Variants in SORCS2 observed in about 807,000 individuals in gnomAD.
SORCS2 encodes the protein sortilin related VPS10 domain containing receptor 2, also known as VPS10 domain-containing receptor SorCS2.
SORCS2 carries 100 observed loss-of-function variants against 141.6 expected under a neutral mutation model. That is an observed-to-expected ratio of 0.71 (90% CI 0.60 to 0.83). The LOEUF is 0.83. Among genes scored for constraint, SORCS2 ranks in the 40% least tolerant of loss-of-function variants. SORCS2 has a pLI of 0.00. For synonymous variants in SORCS2, 789 were observed against 676.9 expected (o/e 1.17, Z -2.57); for missense variants, 1,646 against 1,560.2 (o/e 1.05, Z -0.93).
intron 21 of SORCS2, 109 bp downstream of exon 21, chr4:7,727,012 G>C: frequency 7.3e-7 from 1 of 1,374,986 alleles, no homozygotes. Flanking sequence ...CACCCTGAGT[G>C]GCCCTGGGGT....
chr4:7,678,161 GAC>G (rs1480797810), intron 9 of SORCS2, among the ~76,000 whole-genome samples: 5 of 152,252 alleles, frequency 3.3e-5, no homozygotes, highest in African/African-American at 1.2e-4. Flanking sequence ...GGGGCCTGGA[GAC>G]ACAGCACAGG....
intron 3 of SORCS2, among the ~76,000 whole-genome samples, chr4:7,590,160 G>A (rs116210650): frequency 0.012 from 1,791 of 152,316 alleles, 52 homozygotes; most frequent in African/African-American, 0.041. Flanking sequence ...GTACTGCCTT[G>A]TTTATGAAGA....
chr4:7,547,794 A>G (rs1466148460), intron 3 of SORCS2, among the ~76,000 whole-genome samples: 1 of 152,152 alleles, frequency 6.6e-6, no homozygotes, highest in Non-Finnish European at 1.5e-5. Context: ...CCACAGATGC[A>G]CCCCAGGGCA....
intron 3 of SORCS2, among the ~76,000 whole-genome samples, chr4:7,590,602 C>T (rs1010367177): frequency 5.9e-5 from 9 of 152,164 alleles, no homozygotes; most frequent in South Asian, 4.1e-4. Context: ...TGGAGGTAGA[C>T]GTCTCCATTT....
chr4:7,359,649 C>G (rs1460650337), intron 1 of SORCS2, among the ~76,000 whole-genome samples: 2 of 152,220 alleles, frequency 1.3e-5, no homozygotes, highest in Non-Finnish European at 2.9e-5. Context: ...CTGTCTTTGA[C>G]CTTTGCCTGC....
intron 3 of SORCS2, among the ~76,000 whole-genome samples, chr4:7,629,870 C>T (rs549956114): frequency 5.3e-4 from 80 of 152,264 alleles, no homozygotes; most frequent in Admixed American, 2.2e-3. Context: ...CTCTGCAACG[C>T]GCTGTCGGCC....
rs550076233 is a variant in SORCS2, at chr4:7,565,850, A to G, written c.648+34221A>G. ...GGTGATGATGATGGTGATGGTGATG[A>G]TGGTGATGATGGTGATGATGTGATG... On this transcript the variant is annotated intron_variant, in intron 3 of 26. Coordinates refer to ENST00000507866, the MANE Select transcript of SORCS2 (RefSeq NM_020777.3). Among the ~76,000 whole-genome samples the G allele has an allele frequency of 1.0e-3, 146 of 139,542 alleles. 1 individual carries two copies. The highest frequency in any genetic ancestry group is 5.2e-3 in the South Asian group (21 of 4,048). 91.5% of individuals were successfully genotyped at this position (139,542 alleles called of 152,430 possible).
intron 2 of SORCS2, among the ~76,000 whole-genome samples, chr4:7,481,200 T>C (rs1577635351): frequency 6.6e-6 from 1 of 152,346 alleles, no homozygotes; most frequent in African/African-American, 2.4e-5. Flanking sequence ...GTGGCAGGTG[T>C]GGCAAGGACA....
intron 23 of SORCS2, among the ~76,000 whole-genome samples, chr4:7,731,012 G>C (rs1002959567): frequency 4.6e-5 from 7 of 152,212 alleles, no homozygotes; most frequent in African/African-American, 1.7e-4. Flanking sequence ...ATGCCCACGT[G>C]GTGCCACGTC....
At position 7,479,872 on chromosome 4, in the gene SORCS2, T is replaced by C. The variant is rs139784984; in HGVS notation, c.549-51658T>C. On this transcript the variant is annotated intron_variant, in intron 2 of 26. Transcript: ENST00000507866. ...TGAGCAATTATTTGGTACCCACGTGTGCTCTGTTAGGACTGGGGATGCTGC... is the reference window on the plus strand; with the variant it reads ...TGAGCAATTATTTGGTACCCACGTGCGCTCTGTTAGGACTGGGGATGCTGC... Among the ~76,000 whole-genome samples the C allele has an allele frequency of 5.8e-3, 878 of 152,356 alleles. 6 individuals carry two copies. The highest frequency in any genetic ancestry group is 9.2e-3 in the Non-Finnish European group (628 of 68,034).
At chr4:7,274,212 C>G (rs1715327385) in intron 1 of SORCS2, among the ~76,000 whole-genome samples, 1 of 152,208 alleles carries the variant, frequency 6.6e-6, no homozygotes, top group Non-Finnish European at 1.5e-5. Flanking sequence ...TCCCCATAGG[C>G]AGATGCTGTG....
chr4:7,659,154 T>G (rs1020216418), intron 5 of SORCS2, among the ~76,000 whole-genome samples: 2 of 151,956 alleles, frequency 1.3e-5, no homozygotes, highest in African/African-American at 4.8e-5. Flanking sequence ...GTTTTCAGTG[T>G]GAAGAAAGTG....
At chr4:7,736,988 C>T in intron 25 of SORCS2, 81 bp from the exon 26 acceptor site, 1 of 1,517,352 alleles carries the variant, frequency 6.6e-7, no homozygotes, top group Non-Finnish European at 8.9e-7. Flanking sequence ...TCGGTGTGGT[C>T]AGGCGGCCAG....
chr4:7,688,867 A>G (rs574814633), intron 10 of SORCS2, among the ~76,000 whole-genome samples: 144 of 152,216 alleles, frequency 9.5e-4, no homozygotes, highest in African/African-American at 2.9e-3. Context: ...GATCAGGAGG[A>G]ATGGGGTCTC....
intron 2 of SORCS2, among the ~76,000 whole-genome samples, chr4:7,497,837 T>C (rs9999054): frequency 0.068 from 10,323 of 152,304 alleles, 897 homozygotes; most frequent in African/African-American, 0.2. Context: ...ATCCATGGCC[T>C]AAAATGCCGA....
chr4:7,642,349 G>A lies in SORCS2; in HGVS notation c.813+3857G>A, dbSNP rs149600959. Among the ~76,000 whole-genome samples, 613 of 152,286 alleles carry A rather than the reference G, an allele frequency of 4.0e-3. 7 individuals carry two copies. The highest frequency in any genetic ancestry group is 0.014 in the African/African-American group (576 of 41,558). ...CACAATCACGGAGACTTATTTTCCC[G>A]CAGAAATTGACTGCATTGCAATTGC... On this transcript the variant is annotated intron_variant, in intron 4 of 26. Coordinates refer to ENST00000507866, the MANE Select transcript of SORCS2 (RefSeq NM_020777.3).
intron 1 of SORCS2, among the ~76,000 whole-genome samples, chr4:7,358,134 A>G (rs1318714830): frequency 6.6e-6 from 1 of 152,232 alleles, no homozygotes; most frequent in African/African-American, 2.4e-5. Context: ...GGCACAGAGA[A>G]TGAATTTTTC....
chr4:7,637,811 G>A (rs545415426), intron 3 of SORCS2, among the ~76,000 whole-genome samples: 3 of 152,136 alleles, frequency 2.0e-5, no homozygotes, highest in African/African-American at 7.2e-5. Context: ...ACCCCTCCCT[G>A]GTGTAAGGAG....
At chr4:7,226,337 TCTGACCTCAAGCCTGGCCTTG>T (rs1728989993) in intron 1 of SORCS2, among the ~76,000 whole-genome samples, 1 of 152,204 alleles carries the variant, frequency 6.6e-6, no homozygotes, top group South Asian at 2.1e-4. Flanking sequence ...CCTGGGCCTG[TCTGACCTCAAGCCTGGCCTTG>T]CTGGACCTCT....
Sources: gnomAD v4.1 joint callset for allele counts (sites outside exome capture counted in the v4.1 genomes callset) on GRCh38, gnomAD v4.1.1 for gene constraint, MANE v1.5 for transcripts, NCBI Gene and HGNC (gene_info 2026-07-23, HGNC 2026-07-21) for gene names.